Variants in PRDM6 observed in about 807,000 individuals in gnomAD.
The protein encoded by PRDM6 is putative histone-lysine N-methyltransferase PRDM6.
Under a neutral mutation model 60.8 loss-of-function variants are expected in PRDM6, and 25 were observed. That is an observed-to-expected ratio of 0.41 (90% CI 0.30 to 0.57). The LOEUF is 0.57. Among genes scored for constraint, PRDM6 ranks in the 20% least tolerant of loss-of-function variants. The probability of loss-of-function intolerance (pLI) is 0.27; values close to 1 mark genes in which losing one functional copy is unlikely to be tolerated. For missense variants in PRDM6, 839 were observed against 821.3 expected, an observed-to-expected ratio of 1.02 and a Z score of -0.26; for synonymous variants, 407 against 357.4, an observed-to-expected ratio of 1.14 and a Z score of -1.57.
chr5:123,146,705 A>G (rs1420322677), intron 3 of PRDM6, among the ~76,000 whole-genome samples: 1 of 152,210 alleles, frequency 6.6e-6, no homozygotes, highest in Non-Finnish European at 1.5e-5. Flanking sequence ...TTTGCAAGGC[A>G]GGATTCTCTG....
intron 6 of PRDM6, among the ~76,000 whole-genome samples, chr5:123,171,583 C>A (rs1026800513): frequency 3.3e-5 from 5 of 152,136 alleles, no homozygotes; most frequent in Middle Eastern, 3.4e-3. Context: ...GCATGCAAAC[C>A]CATAAATCCT....
chr5:123,131,251 C>T (rs753230668), intron 3 of PRDM6, among the ~76,000 whole-genome samples: 9 of 152,052 alleles, frequency 5.9e-5, no homozygotes, highest in Non-Finnish European at 1.2e-4. Context: ...GGAATAAGAT[C>T]TAGTGGTCAC....
chr5:123,174,992 A>G (rs748568282), intron 6 of PRDM6, among the ~76,000 whole-genome samples: 5 of 152,188 alleles, frequency 3.3e-5, no homozygotes, highest in Non-Finnish European at 7.3e-5. Context: ...ATCAACCAAC[A>G]TTTTGTTCAG....
At chr5:123,166,077 T>C (rs1765745150) in intron 5 of PRDM6, among the ~76,000 whole-genome samples, 1 of 152,148 alleles carries the variant, frequency 6.6e-6, no homozygotes, top group South Asian at 2.1e-4. Context: ...TTAACCTGCC[T>C]CCCGTCACCC....
intron 7 of PRDM6, among the ~76,000 whole-genome samples, chr5:123,181,088 CTCAT>C (rs1195823268): frequency 6.6e-6 from 1 of 152,262 alleles, no homozygotes; most frequent in East Asian, 1.9e-4. Context: ...CACTTATTCA[CTCAT>C]TCATTCATTT....
At chr5:123,097,593 G>A (rs1013743892) in intron 2 of PRDM6, among the ~76,000 whole-genome samples, 10 of 152,168 alleles carry the variant, frequency 6.6e-5, no homozygotes, top group Non-Finnish European at 1.5e-4. Context: ...TGTGTTTATT[G>A]TCTTTCATGT....
chr5:123,142,877 C>CAAAAAAAAAAAAAAAAAAA, intron 3 of PRDM6, among the ~76,000 whole-genome samples: 1 of 27,368 alleles, frequency 3.7e-5, no homozygotes, highest in Non-Finnish European at 6.4e-5. Flanking sequence ...CAGTGAAGAC[C>CAAAAAAAAAAAAAAAAAAA]AAAAAAAAAA....
At chr5:123,123,418 G>T (rs1370306639) in intron 3 of PRDM6, among the ~76,000 whole-genome samples, 2 of 152,178 alleles carry the variant, frequency 1.3e-5, no homozygotes, top group Non-Finnish European at 2.9e-5. Flanking sequence ...GTAGAACCAT[G>T]TGGCTGGCTA....
rs1292631785 is a variant in PRDM6, at chr5:123,193,061, TA to T, written c.*5861del. 6.6e-6 allele frequency: 1 copy of T among 152,260 alleles called. No individual in the cohort carries two copies. The highest frequency in any genetic ancestry group is 1.5e-5 in the Non-Finnish European group (1 of 68,050). The allele number at this position is 152,260 out of a possible 1,614,324, so 9.4% of individuals were successfully genotyped here. On this transcript the variant is annotated 3_prime_UTR_variant, in exon 8 of 8. Coordinates refer to ENST00000407847, the MANE Select transcript of PRDM6 (RefSeq NM_001136239.4). ...ACAAAATTTCATCATGAACTGGCTT[TA>T]TTACAACTCTTTACCGTGGTTTATT...
chr5:123,120,005 T>C (rs1236494405), intron 3 of PRDM6, among the ~76,000 whole-genome samples: 3 of 152,184 alleles, frequency 2.0e-5, no homozygotes, highest in Non-Finnish European at 4.4e-5. Flanking sequence ...AAGTTTAAGG[T>C]TTTTCCCTCG....
chr5:123,159,526 C>T lies in PRDM6; in HGVS notation c.1041C>T (p.Phe347=). 1 of 1,551,314 alleles carries T rather than the reference C, an allele frequency of 6.4e-7. No homozygotes were observed. Among genetic ancestry groups the T allele is most frequent in the Non-Finnish European group, 8.7e-7 (1 of 1,146,732 alleles). ...LTVVQYRSNI[F]YRACIDIPRG... Reference sequence around the variant, plus strand: ...TTGTTTTGAATAGGTCGAATATATTCTACCGAGCCTGTATAGATATCCCTA... The same window carrying T: ...TTGTTTTGAATAGGTCGAATATATTTTACCGAGCCTGTATAGATATCCCTA... Residue 347 remains phenylalanine, a synonymous_variant, in exon 5 of 8, where the codon TTC becomes TTT. Transcript: ENST00000407847.
At chr5:123,129,146 A>G (rs1426515693) in intron 3 of PRDM6, among the ~76,000 whole-genome samples, 2 of 152,302 alleles carry the variant, frequency 1.3e-5, no homozygotes, top group South Asian at 2.1e-4. Context: ...TACCAGTACC[A>G]TGCTGATTTG....
intron 3 of PRDM6, among the ~76,000 whole-genome samples, chr5:123,102,460 T>G (rs568967294): frequency 6.6e-6 from 1 of 152,058 alleles, no homozygotes; most frequent in Non-Finnish European, 1.5e-5. Flanking sequence ...TTCTGAAATT[T>G]AAAAAAATCA....
intron 3 of PRDM6, among the ~76,000 whole-genome samples, chr5:123,146,849 T>C (rs1375665073): frequency 6.6e-6 from 1 of 152,176 alleles, no homozygotes; most frequent in Non-Finnish European, 1.5e-5. Flanking sequence ...TCTCAGGATA[T>C]GGATACAAAC....
At chr5:123,181,016 T>A (rs2126890845) in intron 7 of PRDM6, among the ~76,000 whole-genome samples, 1 of 152,364 alleles carries the variant, frequency 6.6e-6, no homozygotes, top group South Asian at 2.1e-4. Context: ...AGTGTGTTTC[T>A]ACACATGGCA....
At chr5:123,184,156 G>C (rs1435903775) in intron 7 of PRDM6, among the ~76,000 whole-genome samples, 2 of 152,084 alleles carry the variant, frequency 1.3e-5, no homozygotes, top group South Asian at 4.1e-4. Flanking sequence ...GTGCAATTTG[G>C]TTCAATTCAA....
At chr5:123,129,336 T>TG (rs1764767491) in intron 3 of PRDM6, among the ~76,000 whole-genome samples, 1 of 152,216 alleles carries the variant, frequency 6.6e-6, no homozygotes, top group Admixed American at 6.5e-5. Context: ...GCATTGAATC[T>TG]ATATATTACC....
At position 123,180,294 on chromosome 5, in the gene PRDM6, C is replaced by T; in HGVS notation, c.1644C>T (p.Ile548=). The change falls in exon 7 of 8, where the codon ATC becomes ATT. Residue 548 remains isoleucine (I), a synonymous_variant. Coordinates refer to ENST00000407847, the MANE Select transcript of PRDM6 (RefSeq NM_001136239.4). ...GGGCCACCACCCTCAACAACCACAT[C>T]CGAACCCACACTGGAGAAAAGCCCT... ...FAGATTLNNH[I]RTHTGEKPFK... is the part of the protein sequence containing the mutation. The T allele has an allele frequency of 6.4e-7, 1 of 1,551,500 alleles. No homozygotes were observed. The highest frequency in any genetic ancestry group is 8.7e-7 in the Non-Finnish European group (1 of 1,146,880).
At chr5:123,096,840 T>A (rs570990721) in intron 2 of PRDM6, among the ~76,000 whole-genome samples, 23 of 152,360 alleles carry the variant, frequency 1.5e-4, no homozygotes, top group Non-Finnish European at 2.9e-4. Context: ...ACAGTTTTAT[T>A]ATCATGCATT....
Sources: gnomAD v4.1 joint callset for allele counts (sites outside exome capture counted in the v4.1 genomes callset) on GRCh38, gnomAD v4.1.1 for gene constraint, MANE v1.5 for transcripts, NCBI Gene and HGNC (gene_info 2026-07-23, HGNC 2026-07-21) for gene names.